TPMT: variants seen among roughly 807,000 people sequenced by gnomAD.
TPMT encodes S-adenosyl-L-methionine:thiopurine S-methyltransferase.
Under a neutral mutation model 34.2 loss-of-function variants are expected in TPMT, and 18 were observed. The observed-to-expected ratio is 0.53, with a 90% CI of 0.36 to 0.78. The LOEUF (loss-of-function observed/expected upper bound fraction) is 0.78. Among genes scored for constraint, TPMT ranks in the 30% least tolerant of loss-of-function variants. The probability of loss-of-function intolerance (pLI) is 0.00; values close to 1 mark genes in which losing one functional copy is unlikely to be tolerated. For missense variants in TPMT, 265 were observed against 288.1 expected, an observed-to-expected ratio of 0.92 and a Z score of 0.58; for synonymous variants, 69 against 92.4, an observed-to-expected ratio of 0.75 and a Z score of 1.45.
chr6:18,139,669 G>A lies in TPMT; in HGVS notation c.415C>T (p.Pro139Ser). ...CAGATGTAGTATTCAACCTACCTGG[G>A]AAGATCAAAAATACTGCAACAGTAC... is the stretch of plus-strand genomic sequence containing the variant. The part of the protein sequence containing the change: ...SLYCCSIFDL[P>S]RTNIGKFDMI... The change falls in exon 5 of 9, where the codon CCC (proline) becomes TCC (serine). Residue 139 changes from proline to serine, a missense_variant. Physicochemically the swap from Pro to Ser is moderately conservative, Grantham distance 74. Coordinates refer to ENST00000309983, the MANE Select transcript of TPMT (RefSeq NM_000367.5). This position sits in a 1 kb window ranked among gnomAD's most constrained non-coding sequence, Gnocchi z 4.2. 2 of 1,613,298 alleles carry A rather than the reference G, an allele frequency of 1.2e-6. No homozygotes were observed. The highest frequency in any genetic ancestry group is 1.1e-5 in the South Asian group (1 of 91,046).
intron 3 of TPMT, among the ~76,000 whole-genome samples, chr6:18,144,296 C>T (rs1450443079): frequency 2.6e-5 from 4 of 152,090 alleles, no homozygotes; most frequent in South Asian, 2.1e-4. Flanking sequence ...TTGTAGTTTC[C>T]ATTTGCTTAA....
intron 4 of TPMT, among the ~76,000 whole-genome samples, chr6:18,142,962 T>C (rs1442780154): frequency 6.6e-6 from 1 of 152,124 alleles, no homozygotes; most frequent in Admixed American, 6.5e-5. Flanking sequence ...ACCACTGCCA[T>C]AGCCTCCTGT....
Position 18,153,691 on chromosome 6 carries a change from G to A in TPMT, c.-45+1342C>T, listed in dbSNP as rs1166100692. On this transcript the variant is annotated intron_variant, in intron 1 of 8. Coordinates refer to ENST00000309983, the MANE Select transcript of TPMT (RefSeq NM_000367.5). The surrounding 1 kb of genome is among the most constrained non-coding windows in gnomAD (Gnocchi z 4.2). Reference sequence around the variant, plus strand: ...TGACTCTGAGTTTTCTGAGAGGTCAGTAGAAAGTATCTGATTTATATTGGG... The same window carrying A: ...TGACTCTGAGTTTTCTGAGAGGTCAATAGAAAGTATCTGATTTATATTGGG... Among the ~76,000 whole-genome samples, 1 of 152,198 alleles carries A rather than the reference G, an allele frequency of 6.6e-6. No individual in the cohort carries two copies. The highest frequency in any genetic ancestry group is 1.5e-5 in the Non-Finnish European group (1 of 68,036).
At chr6:18,151,583 T>C (rs907683719) in intron 1 of TPMT, among the ~76,000 whole-genome samples, 1 of 146,896 alleles carries the variant, frequency 6.8e-6, no homozygotes, top group African/African-American at 2.5e-5. Flanking sequence ...GATTTATTTA[T>C]TTATTTATTT....
rs1784297462 is a variant in TPMT at position 18,148,921 on chromosome 6, T to C, written c.140+67A>G. On this transcript the variant is annotated intron_variant, in intron 2 of 8. Transcript: ENST00000309983. The surrounding 1 kb of genome is among the most constrained non-coding windows in gnomAD (Gnocchi z 4.1). ...AAGTTAGTCAAATAATGTGTACTTT[T>C]ATTATTTCTATCTCAAAGTCACTTT... 1 of 1,605,354 alleles carries C rather than the reference T, an allele frequency of 6.2e-7. No individual in the cohort carries two copies. Among genetic ancestry groups the C allele is most frequent in the South Asian group, 1.1e-5 (1 of 90,860 alleles).
In TPMT at chr6:18,146,071, G is replaced by A. The variant is rs528041066; in HGVS notation, c.233+1752C>T. On this transcript the variant is annotated intron_variant, in intron 3 of 8. Transcript: ENST00000309983. This position sits in a 1 kb window ranked among gnomAD's most constrained non-coding sequence, Gnocchi z 6.2. The stretch of plus-strand genomic sequence containing the variant: ...GTTTTTCTATTCACATCTCATGTCT[G>A]TATAGACCTCAATACATAGATCAGT... Among the ~76,000 whole-genome samples the A allele has an allele frequency of 6.6e-6, 1 of 152,184 alleles. No individual in the cohort carries two copies. Among genetic ancestry groups the A allele is most frequent in the South Asian group, 2.1e-4 (1 of 4,822 alleles).
At chr6:18,144,391 T>C (rs2150716012) in intron 3 of TPMT, among the ~76,000 whole-genome samples, 1 of 152,164 alleles carries the variant, frequency 6.6e-6, no homozygotes, top group Non-Finnish European at 1.5e-5. Flanking sequence ...TTATTTATTT[T>C]TGAGACGGAG....
At position 18,146,349 on chromosome 6, in the gene TPMT, G is replaced by A. The variant is rs1377155270; in HGVS notation, c.233+1474C>T. ...CAGGTAGTTGGGATTACAAGCGTAC[G>A]CTGCCATGCCTGGCTAATTTTTGTA... On this transcript the variant is annotated intron_variant, in intron 3 of 8. Transcript: ENST00000309983. The surrounding 1 kb of genome is among the most constrained non-coding windows in gnomAD (Gnocchi z 6.2). 6.6e-6 allele frequency among the ~76,000 whole-genome samples: 1 copy of A among 151,964 alleles called. No homozygotes were observed. The highest frequency in any genetic ancestry group is 1.5e-5 in the Non-Finnish European group (1 of 68,014).
chr6:18,152,591 CTTT>C (rs572086653), intron 1 of TPMT, among the ~76,000 whole-genome samples: 4 of 128,772 alleles, frequency 3.1e-5, no homozygotes, highest in South Asian at 2.3e-4. Context: ...TTCTTTCTTT[CTTT>C]TTTTTTTTTT....
At chr6:18,151,606 A>G (rs1784356363) in intron 1 of TPMT, among the ~76,000 whole-genome samples, 1 of 150,478 alleles carries the variant, frequency 6.6e-6, no homozygotes, top group Non-Finnish European at 1.5e-5. Context: ...TTATTTATTT[A>G]TTTATTTATT....
chr6:18,151,478 C>CA (rs903134118), intron 1 of TPMT, among the ~76,000 whole-genome samples: 10 of 150,278 alleles, frequency 6.7e-5, no homozygotes, highest in African/African-American at 2.0e-4. Context: ...AAGAAAAAAA[C>CA]AAAAAAAAGA....
intron 2 of TPMT, 69 bp from the exon 3 acceptor site, chr6:18,147,984 C>T: frequency 8.5e-7 from 1 of 1,173,478 alleles, no homozygotes; most frequent in South Asian, 1.3e-5. Flanking sequence ...TTCATTATCT[C>T]ACTTAATATT....
intron 1 of TPMT, among the ~76,000 whole-genome samples, chr6:18,151,401 G>A (rs971588884): frequency 6.0e-5 from 9 of 151,118 alleles, no homozygotes; most frequent in East Asian, 3.9e-4. Context: ...CTAGGAGTTC[G>A]AGGCTGCAGT....
chr6:18,130,647 T>A lies in TPMT; in HGVS notation c.*21A>T. On this transcript the variant is annotated 3_prime_UTR_variant, in exon 9 of 9. Transcript: ENST00000309983. This position sits in a 1 kb window ranked among gnomAD's most constrained non-coding sequence, Gnocchi z 4.2. ...TTCCTCAAAAACATGTCAGTGTGAT[T>A]TTATTTTATCTATGTCTCATTTACT... is the stretch of plus-strand genomic sequence containing the variant. 1 of 1,488,958 alleles carries A rather than the reference T, an allele frequency of 6.7e-7. No homozygotes were observed. Among genetic ancestry groups the A allele is most frequent in the Non-Finnish European group, 9.4e-7 (1 of 1,068,366 alleles). 92.2% of individuals were successfully genotyped at this position (1,488,958 alleles called of 1,614,324 possible).
In TPMT at chr6:18,130,357, A is replaced by C. The variant is rs1376389800; in HGVS notation, c.*311T>G. On this transcript the variant is annotated 3_prime_UTR_variant, in exon 9 of 9. Transcript: ENST00000309983. The surrounding 1 kb of genome is among the most constrained non-coding windows in gnomAD (Gnocchi z 4.2). ...TTTAATATGCATTGCATTTTGAAAT[A>C]TTTTTTTAATTGTACAGGTAACACA... 1 of 256,210 alleles carries C rather than the reference A, an allele frequency of 3.9e-6. No individual in the cohort carries two copies. The highest frequency in any genetic ancestry group is 1.0e-4 in the East Asian group (1 of 10,044). 15.9% of individuals were successfully genotyped at this position (256,210 alleles called of 1,614,324 possible).
intron 6 of TPMT, among the ~76,000 whole-genome samples, chr6:18,134,776 G>A (rs1784012745): frequency 6.6e-6 from 1 of 152,214 alleles, no homozygotes; most frequent in African/African-American, 2.4e-5. Flanking sequence ...GCTGACCGTT[G>A]AAGGCAAGTC....
chr6:18,153,979 G>C lies in TPMT; in HGVS notation c.-45+1054C>G, dbSNP rs1582052595. 6.6e-6 allele frequency among the ~76,000 whole-genome samples: 1 copy of C among 152,240 alleles called. No homozygotes were observed. Among genetic ancestry groups the C allele is most frequent in the Non-Finnish European group, 1.5e-5 (1 of 68,024 alleles). On this transcript the variant is annotated intron_variant, in intron 1 of 8. Transcript: ENST00000309983. This position sits in a 1 kb window ranked among gnomAD's most constrained non-coding sequence, Gnocchi z 4.2. ...TCTCTATCCCCCAGGCTGGAGTGCA[G>C]TGGTGTAATGACACTTCCGTCTCCA...
At chr6:18,147,157 G>A (rs1418939811) in intron 3 of TPMT, among the ~76,000 whole-genome samples, 4 of 151,966 alleles carry the variant, frequency 2.6e-5, no homozygotes, top group East Asian at 3.9e-4. Context: ...CAACATTCAA[G>A]CTTATAAATA....
rs1355609568 is a variant in TPMT, at chr6:18,154,704, TC to T, written c.-45+328del. ...GGGAAGATCACTTGAGCCCAGGAGTTCCAGGTTACAGTGAGCTATGATTGTG... is the reference window on the plus strand; with the variant it reads ...GGGAAGATCACTTGAGCCCAGGAGTTCAGGTTACAGTGAGCTATGATTGTG... On this transcript the variant is annotated intron_variant, in intron 1 of 8. Coordinates refer to ENST00000309983, the MANE Select transcript of TPMT (RefSeq NM_000367.5). This position sits in a 1 kb window ranked among gnomAD's most constrained non-coding sequence, Gnocchi z 4.2. 1.3e-5 allele frequency among the ~76,000 whole-genome samples: 2 copies of T among 152,066 alleles called. No individual in the cohort carries two copies. The highest frequency in any genetic ancestry group is 2.9e-5 in the Non-Finnish European group (2 of 68,006).
Sources: allele counts gnomAD v4.1 joint callset (sites outside exome capture counted in the v4.1 genomes callset), GRCh38; gene constraint gnomAD v4.1.1; non-coding constraint Gnocchi (gnomAD v3.1); transcripts MANE v1.5; gene names NCBI Gene and HGNC (gene_info 2026-07-23, HGNC 2026-07-21).